The following RFX3 variants were observed in gnomAD, a reference collection of about 807,000 sequenced individuals.
The protein encoded by RFX3 is regulatory factor X3.
RFX3 carries 14 observed loss-of-function variants against 98.6 expected under a neutral mutation model. The observed-to-expected ratio is 0.14, with a 90% CI of 0.09 to 0.22. The LOEUF (loss-of-function observed/expected upper bound fraction) is 0.22. Ranked by LOEUF, RFX3 falls within the 10% of genes least tolerant of loss-of-function variation. RFX3 has a pLI of 1.00. For missense variants in RFX3, 639 were observed against 926.9 expected, an observed-to-expected ratio of 0.69 and a Z score of 4.03; for synonymous variants, 383 against 328.4, an observed-to-expected ratio of 1.17 and a Z score of -1.80.
intron 1 of RFX3, among the ~76,000 whole-genome samples, chr9:3,424,390 C>T (rs1223566806): frequency 1.6e-3 from 167 of 104,482 alleles, no homozygotes; most frequent in Non-Finnish European, 2.6e-3. Flanking sequence ...GAGACGGAGT[C>T]TCGCTCTGTC....
In RFX3 at chr9:3,441,818, A is replaced by T. The variant is rs1845634107; in HGVS notation, c.-8-46222T>A. 2.0e-5 allele frequency among the ~76,000 whole-genome samples: 3 copies of T among 152,294 alleles called. No individual in the cohort carries two copies. In the South Asian group the frequency reaches 6.2e-4, roughly 32 times the overall value. ...GGAGATAGGACATAAAACCCTCTAT[A>T]AAACTCTATAAAACCCTCCCCTCCT... On this transcript the variant is annotated intron_variant, in intron 1 of 16. Coordinates refer to ENST00000617270, the MANE Select transcript of RFX3 (RefSeq NM_001282116.2).
intron 7 of RFX3, among the ~76,000 whole-genome samples, chr9:3,279,549 T>C (rs143620124): frequency 3.9e-5 from 6 of 151,956 alleles, no homozygotes; most frequent in African/African-American, 1.4e-4. Flanking sequence ...CTACAAAGCA[T>C]TTAACATACT....
rs771772415 is a variant in RFX3 at position 3,277,433 on chromosome 9, C to A, written c.880G>T (p.Val294Phe). ...CCACTTCCTGTGAAACCATCTGCAACCCCATCCACTTTCTGCATAGGCTTG... is the reference window on the plus strand; with the variant it reads ...CCACTTCCTGTGAAACCATCTGCAAACCCATCCACTTTCTGCATAGGCTTG... Reference protein sequence around the residue: ...RYKPMQKVDGVADGFTGSGQQ... With the variant: ...RYKPMQKVDGFADGFTGSGQQ... The change falls in exon 8 of 17, where the codon GTT becomes TTT. Residue 294 changes from valine to phenylalanine, a missense_variant. By Grantham distance (50) the Val-to-Phe change is conservative. This residue lies in a region of RFX3 where 86 missense variants were observed against 113.2 expected (regional missense o/e 0.76). Transcript: ENST00000617270. 1.2e-6 allele frequency: 2 copies of A among 1,612,334 alleles called. No individual in the cohort carries two copies. Among genetic ancestry groups the A allele is most frequent in the Non-Finnish European group, 8.5e-7 (1 of 1,178,666 alleles).
At chr9:3,518,408 G>A (rs1044843308) in intron 1 of RFX3, among the ~76,000 whole-genome samples, 3 of 152,082 alleles carry the variant, frequency 2.0e-5, no homozygotes, top group Non-Finnish European at 2.9e-5. Context: ...CAAAAATAAC[G>A]CAAAGGGGGT....
intron 1 of RFX3, among the ~76,000 whole-genome samples, chr9:3,441,931 G>A (rs1293318155): frequency 1.3e-5 from 2 of 152,152 alleles, no homozygotes; most frequent in Non-Finnish European, 2.9e-5. Flanking sequence ...CGGGCATGGT[G>A]GCTCACACCT....
At chr9:3,504,678 A>G (rs200825249) in intron 1 of RFX3, among the ~76,000 whole-genome samples, 1 of 114,938 alleles carries the variant, frequency 8.7e-6, no homozygotes, top group South Asian at 3.0e-4. Flanking sequence ...TTGCATATAA[A>G]ATATATATTA....
chr9:3,514,467 GC>G (rs1262250371), intron 1 of RFX3, among the ~76,000 whole-genome samples: 1 of 141,838 alleles, frequency 7.1e-6, no homozygotes, highest in East Asian at 2.0e-4. Flanking sequence ...GTTTTGTTTT[GC>G]TTTGTTTTTT....
intron 2 of RFX3, among the ~76,000 whole-genome samples, chr9:3,373,744 G>T (rs967906079): frequency 2.0e-5 from 3 of 152,050 alleles, no homozygotes; most frequent in African/African-American, 7.2e-5. Flanking sequence ...GAAGGCGAAA[G>T]ATTAGGAAGA....
intron 1 of RFX3, among the ~76,000 whole-genome samples, chr9:3,399,928 G>C (rs1841310768): frequency 6.7e-6 from 1 of 148,906 alleles, no homozygotes; most frequent in African/African-American, 2.5e-5. Flanking sequence ...CAGCCTGGAT[G>C]ACAGAGCAAG....
intron 1 of RFX3, among the ~76,000 whole-genome samples, chr9:3,399,359 C>A (rs1841246843): frequency 6.6e-6 from 1 of 151,634 alleles, no homozygotes; most frequent in Admixed American, 6.6e-5. Flanking sequence ...CAGGAGAATC[C>A]CTTGAACTTG....
At chr9:3,296,142 A>G (rs1298880617) in intron 5 of RFX3, among the ~76,000 whole-genome samples, 1 of 151,976 alleles carries the variant, frequency 6.6e-6, no homozygotes, top group African/African-American at 2.4e-5. Context: ...ACTGTAAATT[A>G]CCTTTTATAA....
At position 3,263,135 on chromosome 9, in the gene RFX3, A is replaced by G. The variant is rs761030350; in HGVS notation, c.1456-51T>C. 1.2e-5 allele frequency: 19 copies of G among 1,578,944 alleles called. No individual in the cohort carries two copies. In the South Asian group the frequency reaches 2.2e-4, roughly 18 times the overall value. On this transcript the variant is annotated intron_variant, in intron 12 of 16. Coordinates refer to ENST00000617270, the MANE Select transcript of RFX3 (RefSeq NM_001282116.2). Reference sequence around the variant, plus strand: ...GATTCTGTTTCCTCCAGTAAAAGAAACCACTGCAATTTTCAAATCTTCTTT... The same window carrying G: ...GATTCTGTTTCCTCCAGTAAAAGAAGCCACTGCAATTTTCAAATCTTCTTT...
Position 3,228,869 on chromosome 9 carries a change from C to T in RFX3, c.1989G>A (p.Val663=), listed in dbSNP as rs934592406. ...VMGEFGDLNA[V]SPGNLDKDEG... is the part of the protein sequence containing the mutation. Reference sequence around the variant, plus strand: ...TACCTTTATCCAGATTTCCAGGAGACACGGCATTTAAATCACCAAACTGCA... The same window carrying T: ...TACCTTTATCCAGATTTCCAGGAGATACGGCATTTAAATCACCAAACTGCA... Residue 663 remains valine (V), a synonymous_variant, in exon 16 of 17, where the codon GTG becomes GTA. Coordinates refer to ENST00000617270, the MANE Select transcript of RFX3 (RefSeq NM_001282116.2). 1.2e-6 allele frequency: 2 copies of T among 1,610,406 alleles called. No homozygotes were observed. Among genetic ancestry groups the T allele is most frequent in the Non-Finnish European group, 1.7e-6 (2 of 1,178,890 alleles).
intron 1 of RFX3, among the ~76,000 whole-genome samples, chr9:3,461,601 A>T (rs904756387): frequency 1.3e-5 from 2 of 152,144 alleles, no homozygotes; most frequent in African/African-American, 4.8e-5. Flanking sequence ...TTAATGTAAC[A>T]TAACAATTAC....
intron 14 of RFX3, among the ~76,000 whole-genome samples, chr9:3,250,170 A>C (rs1282394873): frequency 6.6e-6 from 1 of 151,938 alleles, no homozygotes; most frequent in African/African-American, 2.4e-5. Context: ...AGCAAAAACA[A>C]CACAAAAATA....
Position 3,305,498 on chromosome 9 carries a change from G to A in RFX3, c.475-3878C>T, listed in dbSNP as rs193149550. Among the ~76,000 whole-genome samples, 3 of 152,074 alleles carry A rather than the reference G, an allele frequency of 2.0e-5. No homozygotes were observed. In the East Asian group the frequency reaches 5.8e-4, roughly 29 times the overall value. On this transcript the variant is annotated intron_variant, in intron 4 of 16. Coordinates refer to ENST00000617270, the MANE Select transcript of RFX3 (RefSeq NM_001282116.2). ...TAAAGGAAGACACTATCATTCATAGGAATATATCATGACAACGGTGGGAAA... is the reference window on the plus strand; with the variant it reads ...TAAAGGAAGACACTATCATTCATAGAAATATATCATGACAACGGTGGGAAA...
At chr9:3,273,361 TTC>T (rs1182841514) in intron 9 of RFX3, among the ~76,000 whole-genome samples, 1 of 152,188 alleles carries the variant, frequency 6.6e-6, no homozygotes, top group Non-Finnish European at 1.5e-5. Flanking sequence ...GACTGCCATT[TTC>T]CACACAGATT....
Position 3,254,521 on chromosome 9 carries a change from A to G in RFX3, c.1814+2470T>C, listed in dbSNP as rs574668168. On this transcript the variant is annotated intron_variant, in intron 14 of 16. Transcript: ENST00000617270. ...ATGAATAAAAAGAAACTGTTGGGCA[A>G]CTGGGAAAATATCTGAAATCTTTTT... Among the ~76,000 whole-genome samples the G allele has an allele frequency of 3.9e-5, 6 of 152,020 alleles. No homozygotes were observed. In the South Asian group the frequency reaches 8.3e-4, roughly 21 times the overall value.
At chr9:3,310,676 G>C (rs190102370) in intron 4 of RFX3, among the ~76,000 whole-genome samples, 121 of 152,218 alleles carry the variant, frequency 7.9e-4, no homozygotes, top group African/African-American at 2.7e-3. Flanking sequence ...CTTTTTAACA[G>C]ATTAGAAACC....
Sources: gnomAD v4.1 joint callset for allele counts (sites outside exome capture counted in the v4.1 genomes callset) on GRCh38, gnomAD v4.1.1 for gene constraint, gnomAD v4.1.1 regional missense constraint, MANE v1.5 for transcripts, NCBI Gene and HGNC (gene_info 2026-07-23, HGNC 2026-07-21) for gene names.